The following PTPRK variants were observed in gnomAD, a reference collection of about 807,000 sequenced individuals.
PTPRK encodes protein tyrosine phosphatase receptor type K.
In PTPRK, 75 loss-of-function variants were observed where a neutral mutation model predicts 178.0. That is an observed-to-expected ratio of 0.42 (90% CI 0.35 to 0.51). The LOEUF (loss-of-function observed/expected upper bound fraction) is 0.51. Among genes scored for constraint, PTPRK ranks in the 20% least tolerant of loss-of-function variants. PTPRK has a pLI of 0.02. For synonymous variants in PTPRK, 637 were observed against 620.6 expected (o/e 1.03, Z -0.39); for missense variants, 1,441 against 1,797.8 (o/e 0.80, Z 3.59).
intron 1 of PTPRK, among the ~76,000 whole-genome samples, chr6:128,405,921 T>C (rs2128375033): frequency 6.6e-6 from 1 of 152,234 alleles, no homozygotes; most frequent in East Asian, 1.9e-4. Context: ...CAATTAAGTT[T>C]TGTAGGACTT....
chr6:128,308,980 G>T (rs1009884112), intron 3 of PTPRK, among the ~76,000 whole-genome samples: 1 of 152,088 alleles, frequency 6.6e-6, no homozygotes, highest in African/African-American at 2.4e-5. Flanking sequence ...AAGGTTACAT[G>T]TCACTTTTAA....
At chr6:128,274,904 G>A (rs892290262) in intron 3 of PTPRK, among the ~76,000 whole-genome samples, 8 of 151,842 alleles carry the variant, frequency 5.3e-5, no homozygotes, top group African/African-American at 1.9e-4. Context: ...GTGCTGGTGA[G>A]GTCTGATAAC....
chr6:127,999,944 C>A (rs1777605447), intron 15 of PTPRK: 9 of 908,430 alleles, frequency 9.9e-6, no homozygotes, highest in Non-Finnish European at 1.2e-5. Flanking sequence ...ACTTTAAATT[C>A]TTTTTCTGTC....
intron 1 of PTPRK, among the ~76,000 whole-genome samples, chr6:128,468,034 A>T (rs1376094067): frequency 6.6e-6 from 1 of 152,224 alleles, no homozygotes; most frequent in Non-Finnish European, 1.5e-5. Context: ...TCTTGACTTG[A>T]GTGTCACTAT....
intron 17 of PTPRK, among the ~76,000 whole-genome samples, chr6:127,996,178 C>A (rs1052788353): frequency 6.6e-6 from 1 of 151,906 alleles, no homozygotes; most frequent in Non-Finnish European, 1.5e-5. Flanking sequence ...TAAATAATAT[C>A]GAACAACTGG....
intron 7 of PTPRK, among the ~76,000 whole-genome samples, chr6:128,133,241 A>G (rs988873716): frequency 6.6e-6 from 1 of 152,228 alleles, no homozygotes; most frequent in Admixed American, 6.5e-5. Flanking sequence ...GATGTGACTT[A>G]TAAGATATAA....
intron 3 of PTPRK, among the ~76,000 whole-genome samples, chr6:128,283,380 T>C (rs552110535): frequency 7.7e-4 from 118 of 152,290 alleles, no homozygotes; most frequent in Non-Finnish European, 1.5e-3. Flanking sequence ...AAAATACAAT[T>C]AGTACATTTT....
chr6:128,378,912 G>A (rs1435740441), intron 2 of PTPRK, among the ~76,000 whole-genome samples: 1 of 151,994 alleles, frequency 6.6e-6, no homozygotes. Context: ...AAATAACAGA[G>A]GAAAGTAATG....
At chr6:128,114,158 C>T (rs72983948) in intron 7 of PTPRK, among the ~76,000 whole-genome samples, 7,090 of 151,984 alleles carry the variant, frequency 0.047, 311 homozygotes, top group Non-Finnish European at 0.064. Flanking sequence ...CTACCTTAGA[C>T]TAGGTAGTTT....
At chr6:128,046,791 A>G (rs554497424) in intron 13 of PTPRK, among the ~76,000 whole-genome samples, 1 of 152,262 alleles carries the variant, frequency 6.6e-6, no homozygotes, top group African/African-American at 2.4e-5. Flanking sequence ...GTTCAAGTTC[A>G]CCAGTGGTGA....
chr6:128,345,542 G>A (rs1832316443), intron 2 of PTPRK, among the ~76,000 whole-genome samples: 5 of 152,122 alleles, frequency 3.3e-5, no homozygotes, highest in African/African-American at 7.2e-5. Flanking sequence ...AATAAGTATC[G>A]GCTAATTGAA....
intron 3 of PTPRK, among the ~76,000 whole-genome samples, chr6:128,246,485 T>G (rs943574807): frequency 6.6e-6 from 1 of 152,178 alleles, no homozygotes; most frequent in African/African-American, 2.4e-5. Flanking sequence ...TTTTCCCTGC[T>G]AAATGTTGTC....
At chr6:128,406,171 T>G (rs1383102555) in intron 1 of PTPRK, among the ~76,000 whole-genome samples, 4 of 151,978 alleles carry the variant, frequency 2.6e-5, no homozygotes, top group African/African-American at 4.8e-5. Context: ...GCTGATTACT[T>G]GAGCCTGGGA....
At chr6:128,327,651 G>A (rs1829753664) in intron 2 of PTPRK, among the ~76,000 whole-genome samples, 1 of 152,152 alleles carries the variant, frequency 6.6e-6, no homozygotes, top group Non-Finnish European at 1.5e-5. Flanking sequence ...AACCTCAGAA[G>A]GGTAATTTTG....
intron 2 of PTPRK, among the ~76,000 whole-genome samples, chr6:128,324,822 T>C (rs1291356675): frequency 6.6e-6 from 1 of 152,168 alleles, no homozygotes; most frequent in Non-Finnish European, 1.5e-5. Context: ...GCTGCCTGTC[T>C]GAAACAAAAT....
At chr6:128,434,206 C>A (rs1845217497) in intron 1 of PTPRK, among the ~76,000 whole-genome samples, 1 of 152,092 alleles carries the variant, frequency 6.6e-6, no homozygotes, top group Non-Finnish European at 1.5e-5. Context: ...GGACGATTCA[C>A]AACCTCTCCG....
Position 128,066,637 on chromosome 6 carries a change from A to G in PTPRK, c.2157+882T>C, listed in dbSNP as rs1582823931. 2.6e-5 allele frequency among the ~76,000 whole-genome samples: 4 copies of G among 152,194 alleles called. No homozygotes were observed. The South Asian group carries it at 8.3e-4, about 32-fold the overall frequency. On this transcript the variant is annotated intron_variant, in intron 12 of 29. Coordinates refer to ENST00000368226, the MANE Select transcript of PTPRK (RefSeq NM_002844.4). ...AAGTCTATTAAAATGTCATCATTCT[A>G]TTGGATTTTAAATTGTGAAAATTTC...
At chr6:128,041,883 T>C (rs1400138486) in intron 13 of PTPRK, among the ~76,000 whole-genome samples, 2 of 151,928 alleles carry the variant, frequency 1.3e-5, no homozygotes, top group Non-Finnish European at 2.9e-5. Context: ...TATAGTTTTA[T>C]AAAAGTGTGT....
At chr6:128,362,124 C>G (rs765052521) in intron 2 of PTPRK, among the ~76,000 whole-genome samples, 1 of 152,074 alleles carries the variant, frequency 6.6e-6, no homozygotes, top group Non-Finnish European at 1.5e-5. Flanking sequence ...GCAAGCATTA[C>G]CGGAAGCATG....
Sources: allele counts gnomAD v4.1 joint callset (sites outside exome capture counted in the v4.1 genomes callset), GRCh38; gene constraint gnomAD v4.1.1; transcripts MANE v1.5; gene names NCBI Gene and HGNC (gene_info 2026-07-23, HGNC 2026-07-21).